EPC1: variants seen among roughly 807,000 people sequenced by gnomAD.
EPC1 encodes enhancer of polycomb 1.
A neutral mutation model predicts 98.4 loss-of-function variants in EPC1; 12 were observed. That is an observed-to-expected ratio of 0.12 (90% confidence interval 0.08 to 0.20). The LOEUF (loss-of-function observed/expected upper bound fraction) is 0.20, where lower values mean the gene tolerates loss of function less well. Ranked by LOEUF, EPC1 falls within the 10% of genes least tolerant of loss-of-function variation. The probability of loss-of-function intolerance (pLI) is 1.00; values close to 1 mark genes in which losing one functional copy is unlikely to be tolerated. For missense variants in EPC1, 729 were observed against 990.5 expected, an observed-to-expected ratio of 0.74 and a Z score of 3.54; for synonymous variants, 357 against 363.9, an observed-to-expected ratio of 0.98 and a Z score of 0.21.
chr10:32,302,253 AT>A (rs984875545), intron 2 of EPC1, among the ~76,000 whole-genome samples: 1 of 151,754 alleles, frequency 6.6e-6, no homozygotes, highest in Non-Finnish European at 1.5e-5. Flanking sequence ...AAAAAAAAAA[AT>A]TTTTTTCCAA....
intron 10 of EPC1, chr10:32,283,513 T>G (rs549641656): frequency 2.0e-5 from 3 of 152,384 alleles, no homozygotes; most frequent in African/African-American, 4.8e-5. Flanking sequence ...TTCACCATGT[T>G]GCCCAGGCTG....
At chr10:32,278,361 G>GTTT (rs1188632386) in intron 10 of EPC1, among the ~76,000 whole-genome samples, 1 of 122,632 alleles carries the variant, frequency 8.2e-6, no homozygotes, top group Non-Finnish European at 1.6e-5. Context: ...GTATACTTTG[G>GTTT]TTTTTTTTTG....
intron 12 of EPC1, 48 bp from the exon 13 acceptor site, chr10:32,271,965 TTTATA>T (rs1197715191): frequency 8.1e-6 from 13 of 1,598,656 alleles, no homozygotes; most frequent in Non-Finnish European, 1.1e-5. Flanking sequence ...AACTTTGCTG[TTTATA>T]TTATAGATAT....
At chr10:32,339,548 G>GTAA (rs201176757) in intron 1 of EPC1, among the ~76,000 whole-genome samples, 7 of 151,900 alleles carry the variant, frequency 4.6e-5, no homozygotes, top group African/African-American at 1.5e-4. Context: ...TCTCTCAATA[G>GTAA]TAATAATAAT....
At chr10:32,280,855 A>G (rs1836375077) in intron 10 of EPC1, among the ~76,000 whole-genome samples, 1 of 152,232 alleles carries the variant, frequency 6.6e-6, no homozygotes, top group Non-Finnish European at 1.5e-5. Context: ...AAAATAGTTA[A>G]CTTCCAAACT....
At chr10:32,354,766 C>T (rs1026613336) in intron 1 of EPC1, among the ~76,000 whole-genome samples, 5 of 152,098 alleles carry the variant, frequency 3.3e-5, no homozygotes, top group African/African-American at 1.2e-4. Flanking sequence ...TATTTACAGC[C>T]AATCCCTAGT....
chr10:32,281,558 G>A (rs1032948379), intron 10 of EPC1: 19 of 152,280 alleles, frequency 1.2e-4, no homozygotes, highest in South Asian at 1.0e-3. Context: ...GGGCACTCAC[G>A]CCGTAAGAGG....
chr10:32,336,597 T>C (rs936776563), intron 1 of EPC1, among the ~76,000 whole-genome samples: 6 of 152,140 alleles, frequency 3.9e-5, no homozygotes, highest in African/African-American at 1.4e-4. Context: ...ACCTACCTCA[T>C]CTCTGAAGGT....
intron 1 of EPC1, among the ~76,000 whole-genome samples, chr10:32,372,347 A>G (rs1839772952): frequency 6.6e-6 from 1 of 152,212 alleles, no homozygotes; most frequent in South Asian, 2.1e-4. Flanking sequence ...AAGCTTCCAT[A>G]TATGCCAAAG....
Position 32,347,026 on chromosome 10 carries a change from G to T in EPC1, c.-111C>A. On this transcript the variant is annotated 5_prime_UTR_variant, in exon 1 of 14. Transcript: ENST00000319778. ...GCCAACCGCTGCCGGGGACTTGAGG[G>T]GCGGAGCGCAGAGCCCGCCGTCCGG... 1 of 1,501,684 alleles carries T rather than the reference G, an allele frequency of 6.7e-7. No homozygotes were observed. Among genetic ancestry groups the T allele is most frequent in the Non-Finnish European group, 8.8e-7 (1 of 1,132,320 alleles). 93.0% of individuals were successfully genotyped at this position (1,501,684 alleles called of 1,614,324 possible).
chr10:32,302,084 T>C (rs1214865991), intron 2 of EPC1, among the ~76,000 whole-genome samples: 2 of 151,144 alleles, frequency 1.3e-5, no homozygotes, highest in Admixed American at 6.6e-5. Context: ...CCGTCCTAGC[T>C]AACATGGTGA....
intron 1 of EPC1, among the ~76,000 whole-genome samples, chr10:32,310,196 A>T (rs778943316): frequency 2.6e-5 from 4 of 152,164 alleles, no homozygotes; most frequent in Non-Finnish European, 5.9e-5. Context: ...TATTGTCTCA[A>T]AAAAAGAAAA....
intron 1 of EPC1, among the ~76,000 whole-genome samples, chr10:32,334,431 G>A (rs929166336): frequency 1.4e-5 from 2 of 147,274 alleles, no homozygotes; most frequent in East Asian, 2.0e-4. Flanking sequence ...AGCTGTGATA[G>A]GATAAGACTT....
intron 9 of EPC1, chr10:32,285,499 G>A (rs559710651): frequency 1.8e-4 from 28 of 157,742 alleles, no homozygotes; most frequent in Non-Finnish European, 2.6e-4. Flanking sequence ...GATTGAGAGA[G>A]ATGGAGTTTT....
At chr10:32,353,123 C>G (rs1422156005) in intron 1 of EPC1, among the ~76,000 whole-genome samples, 2 of 149,822 alleles carry the variant, frequency 1.3e-5, no homozygotes, top group Non-Finnish European at 3.0e-5. Context: ...CCATTGCACT[C>G]CAACCTGGGC....
intron 10 of EPC1, among the ~76,000 whole-genome samples, chr10:32,278,815 T>A (rs75420529): frequency 0.018 from 2,734 of 152,262 alleles, 80 homozygotes; most frequent in African/African-American, 0.062. Flanking sequence ...TTATCAGCCA[T>A]CTAGCAATCT....
chr10:32,272,255 G>A, intron 11 of EPC1, 88 bp from the exon 12 acceptor site: 1 of 1,122,882 alleles, frequency 8.9e-7, no homozygotes, highest in South Asian at 2.0e-5. Context: ...AAATCAGTTT[G>A]AATATAAGTA....
upstream of EPC1, among the ~76,000 whole-genome samples, chr10:32,350,957 A>G (rs980578153): frequency 2.0e-5 from 3 of 152,202 alleles, no homozygotes; most frequent in Non-Finnish European, 2.9e-5. Flanking sequence ...CTTCACCCCT[A>G]GAAACAGCCT....
intron 1 of EPC1, among the ~76,000 whole-genome samples, chr10:32,362,474 C>G (rs1170333301): frequency 6.6e-6 from 1 of 152,164 alleles, no homozygotes; most frequent in African/African-American, 2.4e-5. Flanking sequence ...CTGTCTCTCT[C>G]TTGCTCCTGC....
Sources: gnomAD v4.1 joint callset for allele counts (sites outside exome capture counted in the v4.1 genomes callset) on GRCh38, gnomAD v4.1.1 for gene constraint, MANE v1.5 for transcripts, NCBI Gene and HGNC (gene_info 2026-07-23, HGNC 2026-07-21) for gene names.